Variants in PDK3 observed in about 807,000 individuals in gnomAD.
The protein encoded by PDK3 is pyruvate dehydrogenase kinase, isozyme 3.
A neutral mutation model predicts 32.0 loss-of-function variants in PDK3; 12 were observed. The observed-to-expected ratio is 0.37, with a 90% CI of 0.24 to 0.61. The LOEUF (loss-of-function observed/expected upper bound fraction) is 0.61, where lower values mean the gene tolerates loss of function less well. Ranked by LOEUF, PDK3 falls within the 20% of genes least tolerant of loss-of-function variation. The probability of loss-of-function intolerance (pLI) is 0.65; values close to 1 mark genes in which losing one functional copy is unlikely to be tolerated. For synonymous variants in PDK3, 122 were observed against 116.3 expected (o/e 1.05, Z -0.31); for missense variants, 188 against 316.9 (o/e 0.59, Z 3.09).
chrX:24,495,998 T>C (rs1242653442), intron 2 of PDK3, among the ~76,000 whole-genome samples: 1 of 112,111 alleles, frequency 8.9e-6, no homozygotes, highest in East Asian at 2.8e-4. Context: ...AAATGTGTTA[T>C]ATTATTCCGG....
At chrX:24,527,080 C>G (rs144136802) in intron 7 of PDK3, among the ~76,000 whole-genome samples, 1 of 111,201 alleles carries the variant, frequency 9.0e-6, no homozygotes, top group Non-Finnish European at 1.9e-5. Context: ...TCTTTTTAAC[C>G]AATATTTCTT....
chrX:24,519,616 C>T (rs957153703), intron 6 of PDK3, among the ~76,000 whole-genome samples: 7 of 110,783 alleles, frequency 6.3e-5, no homozygotes, highest in East Asian at 5.7e-4. Flanking sequence ...GTGATCCACC[C>T]GCCTCAGCCT....
chrX:24,518,837 GCACACACACACACA>G lies in PDK3; in HGVS notation c.596-66_596-53del, dbSNP rs3222401. The G allele has an allele frequency of 4.3e-3, 1,588 of 371,258 alleles. 14 individuals are homozygous for G. Among genetic ancestry groups the G allele is most frequent in the African/African-American group, 0.03 (1,038 of 35,181 alleles). 30.6% of individuals were successfully genotyped at this position (371,258 alleles called of 1,213,427 possible). ...CCTATAGATATATACATGCACATGT[GCACACACACACACA>G]CACACACACACACACACACACACAC... On this transcript the variant is annotated intron_variant, in intron 5 of 10. Coordinates refer to ENST00000379162, the MANE Select transcript of PDK3 (RefSeq NM_005391.5).
At chrX:24,538,798 A>G (rs1370715366), downstream of PDK3, among the ~76,000 whole-genome samples, 1 of 111,221 alleles carries the variant, frequency 9.0e-6, no homozygotes, top group Non-Finnish European at 1.9e-5. Flanking sequence ...AAATAAAAGT[A>G]TACAATTCCA....
intron 4 of PDK3, among the ~76,000 whole-genome samples, chrX:24,504,074 C>T (rs1317498711): frequency 9.0e-6 from 1 of 111,721 alleles, no homozygotes; most frequent in African/African-American, 3.2e-5. Flanking sequence ...AAATTCCCTC[C>T]ACACAAAAAA....
At chrX:24,537,359 C>T (rs1209336652), downstream of PDK3, among the ~76,000 whole-genome samples, 1 of 102,019 alleles carries the variant, frequency 9.8e-6, no homozygotes, top group Non-Finnish European at 2.0e-5. Context: ...TCTCGAACTC[C>T]TGACCTCAGG....
Position 24,526,204 on chromosome X carries a change from C to T in PDK3, c.680C>T (p.Ala227Val), listed in dbSNP as rs746108651. The change falls in exon 7 of 11, where the codon GCG becomes GTG. Residue 227 changes from alanine to valine, a missense_variant. Transcript: ENST00000379162. ...ELEVEEFNAK[A>V]PDKPIQVVYV... is the part of the protein sequence containing the mutation. ...GTTTTGTCTCTGTTTTCAGCCAAAGCGCCAGACAAACCTATTCAGGTGGTT... is the reference window on the plus strand; with the variant it reads ...GTTTTGTCTCTGTTTTCAGCCAAAGTGCCAGACAAACCTATTCAGGTGGTT... 15 of 1,201,343 alleles carry T rather than the reference C, an allele frequency of 1.2e-5. No homozygotes were observed. Among genetic ancestry groups the T allele is most frequent in the South Asian group, 8.9e-5 (5 of 56,371 alleles).
chrX:24,536,379 A>T (rs921435034), downstream of PDK3, among the ~76,000 whole-genome samples: 2 of 110,681 alleles, frequency 1.8e-5, no homozygotes, highest in African/African-American at 3.3e-5. Context: ...TTTTTTTTTT[A>T]AATCATTCCT....
chrX:24,502,806 T>G (rs1037303248), intron 3 of PDK3, among the ~76,000 whole-genome samples: 1 of 111,561 alleles, frequency 9.0e-6, no homozygotes, highest in Non-Finnish European at 1.9e-5. Context: ...ATCACACCAC[T>G]GCACTCCAGC....
rs1186559746 is a variant in PDK3 at position 24,503,440 on chromosome X, C to G, written c.434C>G (p.Thr145Ser). 1 of 1,205,000 alleles carries G rather than the reference C, an allele frequency of 8.3e-7. No individual in the cohort carries two copies. The highest frequency in any genetic ancestry group is 1.7e-5 in the African/African-American group (1 of 57,227). Residue 145 changes from threonine to serine, a missense_variant, in exon 4 of 11, where the codon ACT becomes AGT. Coordinates refer to ENST00000379162, the MANE Select transcript of PDK3 (RefSeq NM_005391.5). ...EKFGFDPFIS[T>S]NIQYFLDRFY... The stretch of plus-strand genomic sequence containing the variant: ...TTTGGGTTTGATCCTTTCATTAGCA[C>G]TAACATCCAATATTTTCTGGATCGG...
rs181546541 is a variant in PDK3, at chrX:24,483,681, G to A, written c.107-11061G>A. ...TTAAGTTTGTAACTAAACTTACTGG[G>A]TGTTTTAATTTTCAGTTGCGATCCG... On this transcript the variant is annotated intron_variant, in intron 1 of 10. Coordinates refer to ENST00000379162, the MANE Select transcript of PDK3 (RefSeq NM_005391.5). 2.2e-3 allele frequency among the ~76,000 whole-genome samples: 241 copies of A among 111,971 alleles called. 4 individuals are homozygous for A. Among genetic ancestry groups the A allele is most frequent in the Non-Finnish European group, 1.4e-3 (75 of 53,171 alleles).
At chrX:24,514,550 AG>A (rs1236381448) in intron 5 of PDK3, among the ~76,000 whole-genome samples, 1 of 112,229 alleles carries the variant, frequency 8.9e-6, no homozygotes, top group Non-Finnish European at 1.9e-5. Context: ...TTGATTAGAA[AG>A]CTTATTATAA....
chrX:24,538,939 T>A (rs768445159), downstream of PDK3, among the ~76,000 whole-genome samples: 1 of 112,069 alleles, frequency 8.9e-6, no homozygotes, highest in Non-Finnish European at 1.9e-5. Flanking sequence ...TCACTGACAG[T>A]AAAGAACCGT....
At chrX:24,491,289 A>G (rs1036319424) in intron 1 of PDK3, among the ~76,000 whole-genome samples, 1 of 109,887 alleles carries the variant, frequency 9.1e-6, no homozygotes. Context: ...AAAAAAAAAA[A>G]AAAAGAAAAA....
intron 5 of PDK3, among the ~76,000 whole-genome samples, chrX:24,514,146 C>T (rs1455726855): frequency 8.9e-6 from 1 of 112,157 alleles, no homozygotes; most frequent in Non-Finnish European, 1.9e-5. Flanking sequence ...ATGAAACAAC[C>T]TCCATTATCT....
chrX:24,533,528 G>A (rs1375671232), intron 10 of PDK3, among the ~76,000 whole-genome samples: 1 of 111,789 alleles, frequency 8.9e-6, no homozygotes. Context: ...AGATGCCCAT[G>A]CATCTAAGTA....
intron 1 of PDK3, among the ~76,000 whole-genome samples, chrX:24,478,950 A>G (rs1267096980): frequency 1.8e-5 from 2 of 112,298 alleles, no homozygotes; most frequent in Non-Finnish European, 3.8e-5. Context: ...ACATTTTCCC[A>G]TACCATGAAG....
At chrX:24,509,523 C>T (rs990665280) in intron 5 of PDK3, among the ~76,000 whole-genome samples, 9 of 110,629 alleles carry the variant, frequency 8.1e-5, no homozygotes, top group African/African-American at 2.0e-4. Context: ...CACACACACA[C>T]GCATGGACAT....
chrX:24,511,532 C>T (rs759344305), intron 5 of PDK3, among the ~76,000 whole-genome samples: 184 of 105,873 alleles, frequency 1.7e-3, no homozygotes, highest in South Asian at 7.7e-3. Context: ...TCTTTGTGTG[C>T]ACACATGTGT....
Sources: gnomAD v4.1 joint callset for allele counts (sites outside exome capture counted in the v4.1 genomes callset) on GRCh38, gnomAD v4.1.1 for gene constraint, MANE v1.5 for transcripts, NCBI Gene and HGNC (gene_info 2026-07-23, HGNC 2026-07-21) for gene names.